Variants in TECRL observed in about 807,000 individuals in gnomAD.
The protein encoded by TECRL is trans-2,3-enoyl-CoA reductase-like.
In TECRL, 63 loss-of-function variants were observed where a neutral mutation model predicts 52.8. The ratio of observed to expected loss-of-function variants is 1.19; its 90% CI spans 0.97 to 1.47. TECRL has a LOEUF of 1.47. Ranked by LOEUF, TECRL falls within the 40% of genes most tolerant of loss-of-function variation. The pLI, the probability that TECRL is intolerant of heterozygous loss-of-function variation, is 0.00. For synonymous variants in TECRL, 164 were observed against 141.9 expected (o/e 1.16, Z -1.10); for missense variants, 482 against 429.6 (o/e 1.12, Z -1.08).
intron 9 of TECRL, among the ~76,000 whole-genome samples, chr4:64,283,498 T>C (rs1722932984): frequency 6.6e-6 from 1 of 152,026 alleles, no homozygotes; most frequent in Non-Finnish European, 1.5e-5. Flanking sequence ...TACTGGTATA[T>C]TGTTATGTTA....
At chr4:64,364,349 T>A (rs2109628033) in intron 2 of TECRL, among the ~76,000 whole-genome samples, 1 of 151,924 alleles carries the variant, frequency 6.6e-6, no homozygotes, top group Admixed American at 6.6e-5. Context: ...TAGAGGAACA[T>A]CTAGAGAAAA....
intron 2 of TECRL, among the ~76,000 whole-genome samples, chr4:64,336,163 GCT>G (rs1244759438): frequency 1.3e-5 from 2 of 152,144 alleles, no homozygotes; most frequent in Non-Finnish European, 2.9e-5. Flanking sequence ...TGGTTGGTAA[GCT>G]GTTAATTATT....
chr4:64,373,181 A>G (rs750007971), intron 2 of TECRL, among the ~76,000 whole-genome samples: 1 of 151,708 alleles, frequency 6.6e-6, no homozygotes, highest in Non-Finnish European at 1.5e-5. Context: ...ACTATGATAT[A>G]TGGGAAAATG....
Position 64,322,608 on chromosome 4 carries a change from T to C in TECRL, c.435+81A>G, listed in dbSNP as rs183072858. On this transcript the variant is annotated intron_variant, in intron 4 of 11. Coordinates refer to ENST00000381210, the MANE Select transcript of TECRL (RefSeq NM_001010874.5). ...ACTACATTTTGTTTCGCTATGAGTT[T>C]ATTTGATAGAATTAATCTGTCAATA... 309 of 981,246 alleles carry C rather than the reference T, an allele frequency of 3.1e-4. 2 individuals are homozygous for C. Among genetic ancestry groups the C allele is most frequent in the Non-Finnish European group, 2.0e-5 (14 of 694,530 alleles). 60.8% of individuals were successfully genotyped at this position (981,246 alleles called of 1,614,324 possible). A position where few individuals can be genotyped will look rare whatever the true frequency, so the allele number is the denominator to read the frequency against.
At position 64,289,696 on chromosome 4, in the gene TECRL, A is replaced by T. The variant is rs943264091; in HGVS notation, c.832+14T>A. On this transcript the variant is annotated intron_variant, in intron 9 of 11. Transcript: ENST00000381210. Reference sequence around the variant, plus strand: ...AATTCACTCTAAAGAAAAGAAAAAGAAAAAAGAACTAACCTGTGTGATTGG... The same window carrying T: ...AATTCACTCTAAAGAAAAGAAAAAGTAAAAAGAACTAACCTGTGTGATTGG... 4 of 1,513,764 alleles carry T rather than the reference A, an allele frequency of 2.6e-6. No individual in the cohort carries two copies. The African/African-American group carries it at 5.8e-5, about 22-fold the overall frequency. The allele number at this position is 1,513,764 out of a possible 1,614,324, so 93.8% of individuals were successfully genotyped here. A position where few individuals can be genotyped will look rare whatever the true frequency, so the allele number is the denominator to read the frequency against.
intron 1 of TECRL, among the ~76,000 whole-genome samples, chr4:64,376,869 C>T (rs1165523707): frequency 6.6e-6 from 1 of 151,832 alleles, no homozygotes; most frequent in Non-Finnish European, 1.5e-5. Flanking sequence ...TCATGTAGTA[C>T]ACCACAGAGC....
chr4:64,320,925 G>A (rs1448846107), intron 4 of TECRL, among the ~76,000 whole-genome samples: 1 of 151,934 alleles, frequency 6.6e-6, no homozygotes, highest in African/African-American at 2.4e-5. Flanking sequence ...AATCTTTAGT[G>A]GTACAAGTTA....
chr4:64,324,775 T>C (rs1434685689), intron 3 of TECRL, among the ~76,000 whole-genome samples: 2 of 152,076 alleles, frequency 1.3e-5, no homozygotes, highest in African/African-American at 2.4e-5. Flanking sequence ...TACATACATA[T>C]ATATACATAT....
intron 2 of TECRL, among the ~76,000 whole-genome samples, chr4:64,345,643 A>G (rs1160039797): frequency 6.6e-6 from 1 of 151,716 alleles, no homozygotes. Context: ...TGGCACATGT[A>G]TACATATGTA....
At chr4:64,331,318 T>C (rs889543769) in intron 2 of TECRL, among the ~76,000 whole-genome samples, 3 of 152,114 alleles carry the variant, frequency 2.0e-5, no homozygotes, top group Non-Finnish European at 4.4e-5. Context: ...TGGAACACTC[T>C]CATTGAAACT....
chr4:64,308,334 A>G (rs1724459455), intron 6 of TECRL, among the ~76,000 whole-genome samples: 3 of 152,080 alleles, frequency 2.0e-5, no homozygotes, highest in Admixed American at 2.0e-4. Context: ...TACTAAATTG[A>G]TCCTGATCCT....
chr4:64,387,700 G>A (rs2109734835), intron 1 of TECRL, among the ~76,000 whole-genome samples: 1 of 152,044 alleles, frequency 6.6e-6, no homozygotes, highest in African/African-American at 2.4e-5. Flanking sequence ...CTTTTCTAGT[G>A]AAGTGTCTGT....
Position 64,332,375 on chromosome 4 carries a change from C to G in TECRL, c.287-3819G>C, listed in dbSNP as rs538124202. On this transcript the variant is annotated intron_variant, in intron 2 of 11. Coordinates refer to ENST00000381210, the MANE Select transcript of TECRL (RefSeq NM_001010874.5). ...CTGTTTGAATTAAAGTGATCTGTAA[C>G]CTCCAAAGTCCAGCCTTACTGCTGG... Among the ~76,000 whole-genome samples, 13 of 152,310 alleles carry G rather than the reference C, an allele frequency of 8.5e-5. No homozygotes were observed. The East Asian group carries it at 2.3e-3, about 27-fold the overall frequency.
chr4:64,344,677 G>T (rs1719825393), intron 2 of TECRL, among the ~76,000 whole-genome samples: 1 of 152,150 alleles, frequency 6.6e-6, no homozygotes, highest in South Asian at 2.1e-4. Flanking sequence ...ATGGCTTTAA[G>T]GCTTTGAATG....
intron 4 of TECRL, 122 bp from the exon 5 acceptor site, chr4:64,314,885 TTAAG>T (rs1202698279): frequency 2.9e-6 from 2 of 690,658 alleles, no homozygotes; most frequent in African/African-American, 3.6e-5. Context: ...TGTAACTAGA[TTAAG>T]TGATATTGCA....
chr4:64,279,940 A>G lies in TECRL; in HGVS notation c.*132T>C. The G allele has an allele frequency of 8.0e-7, 1 of 1,252,758 alleles. No homozygotes were observed. Among genetic ancestry groups the G allele is most frequent in the Non-Finnish European group, 1.0e-6 (1 of 990,788 alleles). 77.6% of individuals were successfully genotyped at this position (1,252,758 alleles called of 1,614,324 possible). On this transcript the variant is annotated 3_prime_UTR_variant, in exon 12 of 12. Coordinates refer to ENST00000381210, the MANE Select transcript of TECRL (RefSeq NM_001010874.5). ...TCTCTAAATTTAGTGAAATTTTACTATTTTATATTTTTACTCAGTGTATAT... is the reference window on the plus strand; with the variant it reads ...TCTCTAAATTTAGTGAAATTTTACTGTTTTATATTTTTACTCAGTGTATAT...
At chr4:64,295,462 C>T (rs1173681259) in intron 8 of TECRL, among the ~76,000 whole-genome samples, 1 of 151,130 alleles carries the variant, frequency 6.6e-6, no homozygotes, top group African/African-American at 2.4e-5. Flanking sequence ...TATGATGGTC[C>T]ATTTCATTAT....
intron 2 of TECRL, among the ~76,000 whole-genome samples, chr4:64,334,030 C>CAAAAAAAAAAAAAA (rs4034910): frequency 3.2e-4 from 9 of 28,010 alleles, no homozygotes; most frequent in Admixed American, 5.4e-4. Flanking sequence ...GACTCCGTCT[C>CAAAAAAAAAAAAAA]AAAAAAAAAA....
intron 8 of TECRL, among the ~76,000 whole-genome samples, chr4:64,290,346 T>A (rs1275762516): frequency 6.6e-6 from 1 of 152,142 alleles, no homozygotes; most frequent in Non-Finnish European, 1.5e-5. Flanking sequence ...CTTACCACCA[T>A]CGCCTGAGAC....
Sources: gnomAD v4.1 joint callset for allele counts (sites outside exome capture counted in the v4.1 genomes callset) on GRCh38, gnomAD v4.1.1 for gene constraint, MANE v1.5 for transcripts, NCBI Gene and HGNC (gene_info 2026-07-23, HGNC 2026-07-21) for gene names.